NIPAL2: variants seen among roughly 807,000 people sequenced by gnomAD.
NIPAL2 encodes NIPA-like protein 2.
In NIPAL2, 43 loss-of-function variants were observed where a neutral mutation model predicts 48.9. The ratio of observed to expected loss-of-function variants is 0.88; its 90% confidence interval spans 0.69 to 1.13. The LOEUF is 1.13. NIPAL2 is among the 50% of genes most tolerant of loss of function. The pLI is 0.00. For missense variants in NIPAL2, 446 were observed against 461.4 expected (o/e 0.97, Z 0.31); for synonymous variants, 167 against 174.6 (o/e 0.96, Z 0.34).
At chr8:98,216,921 G>A in intron 5 of NIPAL2, 1 of 450,866 alleles carries the variant, frequency 2.2e-6, no homozygotes, top group Middle Eastern at 1.1e-3. Flanking sequence ...AATAAGCCTG[G>A]GCATGTAGGA....
rs1017385347 is a variant in NIPAL2, at chr8:98,190,152, T to C, written c.*2826A>G. ...ATATCTGAAGGCAAATATCAAGCCA[T>C]GTTTCCACACTCCCAAAGTATCTCA... is the stretch of plus-strand genomic sequence containing the variant. On this transcript the variant is annotated 3_prime_UTR_variant, in exon 11 of 11. Transcript: ENST00000430223. The C allele has an allele frequency of 2.2e-4, 34 of 152,324 alleles. 1 individual carries two copies. Among genetic ancestry groups the C allele is most frequent in the Admixed American group, 2.2e-3 (33 of 15,302 alleles). 9.4% of individuals were successfully genotyped at this position (152,324 alleles called of 1,614,324 possible). A position where few individuals can be genotyped will look rare whatever the true frequency, so the allele number is the denominator to read the frequency against.
At chr8:98,193,215 G>T in intron 10 of NIPAL2, 125 bp from the exon 11 acceptor site, 1 of 1,039,558 alleles carries the variant, frequency 9.6e-7, no homozygotes, top group Non-Finnish European at 1.5e-6. Context: ...ACTCTCTAAA[G>T]AGAAGAGATG....
At chr8:98,279,345 G>T (rs1815660931) in intron 1 of NIPAL2, among the ~76,000 whole-genome samples, 1 of 152,192 alleles carries the variant, frequency 6.6e-6, no homozygotes, top group Admixed American at 6.5e-5. Context: ...GCAATCAGAA[G>T]TATCATTTGC....
At chr8:98,205,385 G>C (rs1297518470) in intron 6 of NIPAL2, 139 bp from the exon 7 acceptor site, 6 of 763,916 alleles carry the variant, frequency 7.9e-6, no homozygotes, top group Admixed American at 3.0e-5. Flanking sequence ...TGTAGGAAGG[G>C]ATGTGACATT....
chr8:98,271,734 A>G (rs111661204), intron 1 of NIPAL2, among the ~76,000 whole-genome samples: 1 of 151,772 alleles, frequency 6.6e-6, no homozygotes, highest in South Asian at 2.1e-4. Flanking sequence ...GTTGAATAGG[A>G]GTGGTTAGAG....
Position 98,193,028 on chromosome 8 carries a change from C to T in NIPAL2, c.1102G>A (p.Asp368Asn), listed in dbSNP as rs1182063186. The change falls in exon 11 of 11, where the codon GAT (aspartate) becomes AAT (asparagine). Residue 368 changes from aspartate (D) to asparagine (N), a missense_variant. Coordinates refer to ENST00000430223, the MANE Select transcript of NIPAL2 (RefSeq NM_001321635.2). ...TGGCTCTTTGTTGAGTCACTTCCAT[C>T]AGGCAAAGTTCCATAGGATAAGCTA... is the stretch of plus-strand genomic sequence containing the variant. ...SHSLSYGTLP[D>N]GSDSTKSQSG... 3 of 1,614,048 alleles carry T rather than the reference C, an allele frequency of 1.9e-6. No homozygotes were observed. Among genetic ancestry groups the T allele is most frequent in the Non-Finnish European group, 1.7e-6 (2 of 1,180,026 alleles).
At chr8:98,197,653 T>C (rs549324886) in intron 8 of NIPAL2, among the ~76,000 whole-genome samples, 1 of 152,352 alleles carries the variant, frequency 6.6e-6, no homozygotes, top group African/African-American at 2.4e-5. Flanking sequence ...TCTAAATCCT[T>C]TGTTTTCATT....
At chr8:98,194,127 G>A (rs575026924) in intron 10 of NIPAL2, among the ~76,000 whole-genome samples, 11 of 152,326 alleles carry the variant, frequency 7.2e-5, no homozygotes, top group African/African-American at 2.4e-4. Context: ...TGCTGAGGGC[G>A]GGTGGACAGG....
At chr8:98,289,389 G>A (rs929193959) in intron 1 of NIPAL2, among the ~76,000 whole-genome samples, 8 of 151,964 alleles carry the variant, frequency 5.3e-5, no homozygotes, top group African/African-American at 1.9e-4. Flanking sequence ...ACATATACAA[G>A]TATATTAAAA....
intron 5 of NIPAL2, among the ~76,000 whole-genome samples, chr8:98,214,662 A>T (rs1811486698): frequency 6.6e-6 from 1 of 151,900 alleles, no homozygotes; most frequent in African/African-American, 2.4e-5. Flanking sequence ...GTTTCCATTC[A>T]AGGGTTTGCT....
At chr8:98,272,559 C>A (rs1332097418) in intron 1 of NIPAL2, among the ~76,000 whole-genome samples, 1 of 151,274 alleles carries the variant, frequency 6.6e-6, no homozygotes, top group Non-Finnish European at 1.5e-5. Flanking sequence ...AGTTTCAATA[C>A]AATTAATGCG....
At chr8:98,224,072 A>C (rs1277788796) in intron 4 of NIPAL2, among the ~76,000 whole-genome samples, 1 of 152,218 alleles carries the variant, frequency 6.6e-6, no homozygotes, top group Non-Finnish European at 1.5e-5. Flanking sequence ...TTCTAGTTAT[A>C]TCAAGCTCCT....
intron 4 of NIPAL2, among the ~76,000 whole-genome samples, chr8:98,232,090 T>C (rs1280240448): frequency 6.6e-6 from 1 of 152,204 alleles, no homozygotes; most frequent in Admixed American, 6.5e-5. Context: ...TACATGTGAC[T>C]TGACACATTT....
chr8:98,280,182 G>A (rs1815717097), intron 1 of NIPAL2, among the ~76,000 whole-genome samples: 1 of 152,184 alleles, frequency 6.6e-6, no homozygotes, highest in South Asian at 2.1e-4. Context: ...ATCTGTCCCA[G>A]CTCTGGCTTT....
intron 8 of NIPAL2, among the ~76,000 whole-genome samples, chr8:98,196,589 G>A (rs1810563119): frequency 6.6e-6 from 1 of 152,242 alleles, no homozygotes; most frequent in South Asian, 2.1e-4. Flanking sequence ...TCTTCCAAAG[G>A]TAAACAAGGA....
chr8:98,222,522 G>A lies in NIPAL2; in HGVS notation c.515C>T (p.Thr172Ile), dbSNP rs1563499490. The A allele has an allele frequency of 1.9e-6, 3 of 1,613,926 alleles. No individual in the cohort carries two copies. In the African/African-American group the frequency reaches 4.0e-5, roughly 22 times the overall value. ...CCATCCGACAAGGTAATACTGTACT[G>A]TTCTTGCTGAGATTGCCTGAGTTAT... ...PNITQAISAR[T>I]VQYYLVGWQF... Residue 172 changes from threonine (T) to isoleucine (I), a missense_variant, in exon 5 of 11, where the codon ACA becomes ATA. Transcript: ENST00000430223.
chr8:98,281,905 T>C (rs916933012), intron 1 of NIPAL2, among the ~76,000 whole-genome samples: 2 of 152,210 alleles, frequency 1.3e-5, no homozygotes, highest in African/African-American at 4.8e-5. Context: ...TTCAACTTTA[T>C]TGGGCTGAAA....
chr8:98,239,876 T>C (rs2130798889), intron 3 of NIPAL2, among the ~76,000 whole-genome samples: 1 of 152,314 alleles, frequency 6.6e-6, no homozygotes, highest in East Asian at 1.9e-4. Context: ...GACTTTTAAG[T>C]AGAGTAGTAA....
At chr8:98,286,575 G>A (rs938671251) in intron 1 of NIPAL2, among the ~76,000 whole-genome samples, 20 of 152,096 alleles carry the variant, frequency 1.3e-4, no homozygotes, top group Admixed American at 5.2e-4. Flanking sequence ...TTGGGAGTCC[G>A]AGACAGGTGG....
Sources: allele counts gnomAD v4.1 joint callset (sites outside exome capture counted in the v4.1 genomes callset), GRCh38; gene constraint gnomAD v4.1.1; transcripts MANE v1.5; gene names NCBI Gene and HGNC (gene_info 2026-07-23, HGNC 2026-07-21).